The following SLC11A2 variants were observed in gnomAD, a reference collection of about 807,000 sequenced individuals.
SLC11A2 encodes the protein solute carrier family 11 member 2.
Under a neutral mutation model 68.0 loss-of-function variants are expected in SLC11A2, and 38 were observed. The ratio of observed to expected loss-of-function variants is 0.56; its 90% confidence interval spans 0.43 to 0.73. The LOEUF (loss-of-function observed/expected upper bound fraction) is 0.73, where lower values mean the gene tolerates loss of function less well. SLC11A2 is among the 30% of genes least tolerant of loss of function. The pLI, the probability that SLC11A2 is intolerant of heterozygous loss-of-function variation, is 0.00. For synonymous variants in SLC11A2, 242 were observed against 250.6 expected (o/e 0.97, Z 0.32); for missense variants, 517 against 690.5 (o/e 0.75, Z 2.82).
chr12:50,966,389 T>C, the SLC11A2 span, among the ~76,000 whole-genome samples: 1 of 152,200 alleles, frequency 6.6e-6, no homozygotes, highest in Non-Finnish European at 1.5e-5. Context: ...TTTCTGAACC[T>C]CAGCACTACT....
intron 1 of SLC11A2, among the ~76,000 whole-genome samples, chr12:51,016,554 T>A (rs1943666549): frequency 6.6e-6 from 1 of 151,714 alleles, no homozygotes; most frequent in Non-Finnish European, 1.5e-5. Context: ...TAGTGGCGCA[T>A]GCCTGTAATC....
upstream of SLC11A2, chr12:51,028,276 GA>G: frequency 7.1e-7 from 1 of 1,413,788 alleles, no homozygotes; most frequent in Non-Finnish European, 9.6e-7. Context: ...CTCTATATAT[GA>G]AGACAAGTGC....
chr12:50,994,046 C>T lies in SLC11A2; in HGVS notation c.1077+498G>A, dbSNP rs12822029. 1.9e-4 allele frequency among the ~76,000 whole-genome samples: 24 copies of T among 127,008 alleles called. No individual in the cohort carries two copies. The South Asian group carries it at 6.0e-3, about 32-fold the overall frequency. 83.3% of individuals were successfully genotyped at this position (127,008 alleles called of 152,430 possible). A position where few individuals can be genotyped will look rare whatever the true frequency, so the allele number is the denominator to read the frequency against. ...GGGGTGTATACTGCATCTTTTTTTT[C>T]CTTTTTTTTTTAAAGACAGAGTCTT... is the stretch of plus-strand genomic sequence containing the variant. On this transcript the variant is annotated intron_variant, in intron 11 of 15. Coordinates refer to ENST00000262052, the MANE Select transcript of SLC11A2 (RefSeq NM_000617.3).
downstream of SLC11A2, among the ~76,000 whole-genome samples, chr12:50,984,073 G>A (rs948413266): frequency 6.6e-6 from 1 of 151,796 alleles, no homozygotes; most frequent in African/African-American, 2.4e-5. Context: ...AGGTGGCAGT[G>A]AGCCGAGATC....
At chr12:50,994,343 G>A (rs914480979) in intron 11 of SLC11A2, among the ~76,000 whole-genome samples, 4 of 152,036 alleles carry the variant, frequency 2.6e-5, no homozygotes, top group African/African-American at 7.2e-5. Flanking sequence ...CACCGCACCC[G>A]GCCTGTATTA....
chr12:51,013,230 A>AATTATACTTGAGT (rs1473321531), intron 1 of SLC11A2, among the ~76,000 whole-genome samples: 3 of 152,088 alleles, frequency 2.0e-5, no homozygotes, highest in African/African-American at 7.2e-5. Context: ...TACTGCAAGT[A>AATTATACTTGAGT]TAATAACTCA....
upstream of SLC11A2, among the ~76,000 whole-genome samples, chr12:51,027,753 C>T (rs1944446922): frequency 6.6e-6 from 1 of 152,180 alleles, no homozygotes; most frequent in Middle Eastern, 3.2e-3. Context: ...CCTCGCACTG[C>T]TTACAGCATT....
chr12:51,016,081 C>A (rs1943626532), intron 1 of SLC11A2, among the ~76,000 whole-genome samples: 1 of 152,088 alleles, frequency 6.6e-6, no homozygotes, highest in Admixed American at 6.6e-5. Context: ...CCATGCCCAG[C>A]CTATTTTATC....
chr12:50,971,763 T>C, the SLC11A2 span, among the ~76,000 whole-genome samples: 2,001 of 152,352 alleles, frequency 0.013, 26 homozygotes, highest in Middle Eastern at 0.041. Flanking sequence ...TGGTGGGTAC[T>C]TCCTTTTCCT....
chr12:51,001,240 A>G (rs577617228), intron 5 of SLC11A2, among the ~76,000 whole-genome samples: 2 of 151,954 alleles, frequency 1.3e-5, no homozygotes, highest in South Asian at 2.1e-4. Context: ...TGGGATGCCA[A>G]CGTAGATCCC....
chr12:50,996,957 G>T lies in SLC11A2; in HGVS notation c.691C>A (p.Pro231Thr), dbSNP rs1445286247. ...CCCTTGAGTACCTGGCTCTGGCTGG[G>T]TTTCACTGTAACATACTACATACCA... Reference protein sequence around the residue: ...TFGYEYVTVKPSQSQVLKGMF... With the variant: ...TFGYEYVTVKTSQSQVLKGMF... Residue 231 changes from proline (P) to threonine (T), a missense_variant, in exon 9 of 16, where the codon CCC (proline) becomes ACC (threonine). Coordinates refer to ENST00000262052, the MANE Select transcript of SLC11A2 (RefSeq NM_000617.3). 6.2e-7 allele frequency: 1 copy of T among 1,614,056 alleles called. No individual in the cohort carries two copies. The highest frequency in any genetic ancestry group is 8.5e-7 in the Non-Finnish European group (1 of 1,179,976).
the SLC11A2 span, among the ~76,000 whole-genome samples, chr12:50,953,530 A>G: frequency 6.6e-6 from 1 of 152,248 alleles, no homozygotes; most frequent in African/African-American, 2.4e-5. Flanking sequence ...TGCCCTGCAC[A>G]TTCTGCAGAG....
intron 5 of SLC11A2, among the ~76,000 whole-genome samples, chr12:51,003,669 T>A (rs1942469692): frequency 6.6e-6 from 1 of 150,756 alleles, no homozygotes; most frequent in Admixed American, 6.6e-5. Flanking sequence ...GGCTCATGCC[T>A]GTCGTCCCAG....
chr12:50,994,475 A>G, intron 11 of SLC11A2, 69 bp downstream of exon 11: 1 of 1,023,040 alleles, frequency 9.8e-7, no homozygotes, highest in Non-Finnish European at 1.6e-6. Flanking sequence ...GTGAAGTCAC[A>G]AAAAAGACCA....
chr12:50,978,510 G>A (rs1762669646), downstream of SLC11A2, among the ~76,000 whole-genome samples: 1 of 101,998 alleles, frequency 9.8e-6, no homozygotes, highest in South Asian at 3.9e-4. Flanking sequence ...GGGGAGGGGG[G>A]AGGGATAGCA....
chr12:50,970,420 A>G, the SLC11A2 span: 13 of 1,229,988 alleles, frequency 1.1e-5, no homozygotes, highest in South Asian at 1.7e-4. Context: ...TACTCAATTG[A>G]TATACATCCT....
chr12:50,981,650 C>CA (rs1292904645), downstream of SLC11A2: 2 of 937,820 alleles, frequency 2.1e-6, no homozygotes, highest in Admixed American at 2.0e-5. Context: ...TCTGAACTAA[C>CA]AGAGACGTTA....
rs17216030 is a variant in SLC11A2, at chr12:50,994,655, C to G, written c.991-25G>C. The G allele has an allele frequency of 4.8e-6, 7 of 1,470,958 alleles. No individual in the cohort carries two copies. The Admixed American group carries it at 6.7e-5, about 14-fold the overall frequency. The allele number at this position is 1,470,958 out of a possible 1,614,324, so 91.1% of individuals were successfully genotyped here. On this transcript the variant is annotated intron_variant, in intron 10 of 15. Coordinates refer to ENST00000262052, the MANE Select transcript of SLC11A2 (RefSeq NM_000617.3). The stretch of plus-strand genomic sequence containing the variant: ...CCTAGAACCCAAAGCAATTCAACAG[C>G]AACTTTTGTTTCAGAAGCAAGGACC...
Position 50,987,324 on chromosome 12 carries a change from C to G in SLC11A2, c.*1001G>C. ...AAGTCCACAGCTCCTGAGATTGCCT[C>G]GCAAGTCATCTTGGGCATGAAGCAG... On this transcript the variant is annotated 3_prime_UTR_variant, in exon 16 of 16. Transcript: ENST00000262052. The G allele has an allele frequency of 7.8e-7, 1 of 1,287,146 alleles. No individual in the cohort carries two copies. 79.7% of individuals were successfully genotyped at this position (1,287,146 alleles called of 1,614,324 possible). A position where few individuals can be genotyped will look rare whatever the true frequency, so the allele number is the denominator to read the frequency against.
Sources: allele counts gnomAD v4.1 joint callset (sites outside exome capture counted in the v4.1 genomes callset), GRCh38; gene constraint gnomAD v4.1.1; transcripts MANE v1.5; gene names NCBI Gene and HGNC (gene_info 2026-07-23, HGNC 2026-07-21).